Variants in BRIP1 observed in about 807,000 individuals in gnomAD.
BRIP1 encodes BRCA1 interacting DNA helicase 1.
BRIP1 carries 88 observed loss-of-function variants against 119.7 expected under a neutral mutation model. The observed-to-expected ratio is 0.74, with a 90% CI of 0.62 to 0.88. The LOEUF (loss-of-function observed/expected upper bound fraction) is 0.88, where lower values mean the gene tolerates loss of function less well. BRIP1 is among the 40% of genes least tolerant of loss of function. BRIP1 has a pLI of 0.00. For missense variants in BRIP1, 1,259 were observed against 1,455.4 expected, an observed-to-expected ratio of 0.87 and a Z score of 2.20; for synonymous variants, 443 against 496.5, an observed-to-expected ratio of 0.89 and a Z score of 1.43.
In BRIP1 at chr17:61,729,801, C is replaced by T. The variant is rs943922160; in HGVS notation, c.2379+13212G>A. On this transcript the variant is annotated intron_variant, in intron 16 of 19. Transcript: ENST00000259008. This position sits in a 1 kb window ranked among gnomAD's most constrained non-coding sequence, Gnocchi z 5.6. The stretch of plus-strand genomic sequence containing the variant: ...CTCAACCGAGAGCAATTTTGCCAAC[C>T]AGAAGATAATGGCAATGTCTAGAGA... 1.3e-5 allele frequency among the ~76,000 whole-genome samples: 2 copies of T among 151,918 alleles called. No individual in the cohort carries two copies. Among genetic ancestry groups the T allele is most frequent in the East Asian group, 1.9e-4 (1 of 5,188 alleles).
At chr17:61,712,403 G>A (rs972899603) in intron 17 of BRIP1, among the ~76,000 whole-genome samples, 4 of 151,686 alleles carry the variant, frequency 2.6e-5, no homozygotes, top group Admixed American at 6.6e-5. Context: ...TAGTAGAGAC[G>A]GGGTTTCACC....
Position 61,736,501 on chromosome 17 carries a change from A to G in BRIP1, c.2379+6512T>C, listed in dbSNP as rs2076920645. Among the ~76,000 whole-genome samples, 1 of 152,162 alleles carries G rather than the reference A, an allele frequency of 6.6e-6. No homozygotes were observed. The highest frequency in any genetic ancestry group is 1.5e-5 in the Non-Finnish European group (1 of 68,016). On this transcript the variant is annotated intron_variant, in intron 16 of 19. Coordinates refer to ENST00000259008, the MANE Select transcript of BRIP1 (RefSeq NM_032043.3). This position sits in a 1 kb window ranked among gnomAD's most constrained non-coding sequence, Gnocchi z 4.4. ...ATATCCTCTAATGATTTACTACTAT[A>G]ACTACCCTGTATTGCCTCCTTATGA...
At chr17:61,728,612 G>T (rs988780373) in intron 16 of BRIP1, among the ~76,000 whole-genome samples, 2 of 152,196 alleles carry the variant, frequency 1.3e-5, no homozygotes, top group Non-Finnish European at 2.9e-5. Context: ...GGAAACTGTT[G>T]GGAGGATGTG....
intron 6 of BRIP1, among the ~76,000 whole-genome samples, chr17:61,829,845 G>A (rs998470378): frequency 3.3e-5 from 5 of 151,664 alleles, no homozygotes; most frequent in Admixed American, 1.3e-4. Flanking sequence ...GAAGTGCTTA[G>A]AGGGAAATGT....
rs1326869272 is a variant in BRIP1, at chr17:61,806,447, T to G, written c.918+2020A>C. 6.6e-6 allele frequency among the ~76,000 whole-genome samples: 1 copy of G among 152,172 alleles called. No homozygotes were observed. Among genetic ancestry groups the G allele is most frequent in the Non-Finnish European group, 1.5e-5 (1 of 68,044 alleles). ...AGCAGATATCTTCAATTATTCATAT[T>G]ACTAATATTAAAAAATAAAATACCT... On this transcript the variant is annotated intron_variant, in intron 7 of 19. Coordinates refer to ENST00000259008, the MANE Select transcript of BRIP1 (RefSeq NM_032043.3). This position sits in a 1 kb window ranked among gnomAD's most constrained non-coding sequence, Gnocchi z 4.9.
chr17:61,723,778 G>GT (rs2062020897), intron 16 of BRIP1, among the ~76,000 whole-genome samples: 1 of 152,140 alleles, frequency 6.6e-6, no homozygotes, highest in South Asian at 2.1e-4. Flanking sequence ...TAGTGTATGT[G>GT]TAATTTTGGA....
rs1362222458 is a variant in BRIP1, at chr17:61,701,690, C to G, written c.2493-8178G>C. 6.6e-6 allele frequency among the ~76,000 whole-genome samples: 1 copy of G among 152,226 alleles called. No individual in the cohort carries two copies. The highest frequency in any genetic ancestry group is 1.5e-5 in the Non-Finnish European group (1 of 68,038). The stretch of plus-strand genomic sequence containing the variant: ...AGCTCTCTATGGACATTGCATTCCT[C>G]AGCTTTTCTCTTTACATTTTTTGGC... On this transcript the variant is annotated intron_variant, in intron 17 of 19. Transcript: ENST00000259008. This position sits in a 1 kb window ranked among gnomAD's most constrained non-coding sequence, Gnocchi z 5.1.
At position 61,717,417 on chromosome 17, in the gene BRIP1, C is replaced by T. The variant is rs550568950; in HGVS notation, c.2380-1354G>A. ...AACTTTCTTTAATATTAGTAGTGCACGTTTGCTAGCAATGAGTTCTTTCAA... is the reference window on the plus strand; with the variant it reads ...AACTTTCTTTAATATTAGTAGTGCATGTTTGCTAGCAATGAGTTCTTTCAA... On this transcript the variant is annotated intron_variant, in intron 16 of 19. Transcript: ENST00000259008. This position sits in a 1 kb window ranked among gnomAD's most constrained non-coding sequence, Gnocchi z 4.1. Among the ~76,000 whole-genome samples, 3 of 151,984 alleles carry T rather than the reference C, an allele frequency of 2.0e-5. No homozygotes were observed. Among genetic ancestry groups the T allele is most frequent in the Admixed American group, 1.3e-4 (2 of 15,264 alleles).
rs562573083 is a variant in BRIP1, at chr17:61,825,584, G to A, written c.628-16827C>T. 2.7e-5 allele frequency among the ~76,000 whole-genome samples: 4 copies of A among 150,918 alleles called. No individual in the cohort carries two copies. The South Asian group carries it at 8.3e-4, about 31-fold the overall frequency. On this transcript the variant is annotated intron_variant, in intron 6 of 19. Coordinates refer to ENST00000259008, the MANE Select transcript of BRIP1 (RefSeq NM_032043.3). The surrounding 1 kb of genome is among the most constrained non-coding windows in gnomAD (Gnocchi z 4.1). ...AATTCACCATCAACTGTCAAGCTGA[G>A]AGCCAAATCAGGAATGCAATCCCAT...
Position 61,848,412 on chromosome 17 carries a change from A to G in BRIP1, c.507+717T>C, listed in dbSNP as rs2078766346. 1.3e-5 allele frequency among the ~76,000 whole-genome samples: 2 copies of G among 151,730 alleles called. No individual in the cohort carries two copies. Among genetic ancestry groups the G allele is most frequent in the South Asian group, 4.2e-4 (2 of 4,808 alleles). ...TTTTTGTGGAGACAGGAGCCTTGCT[A>G]TGTCACCCAGGCTGGTCTCAAACTG... is the stretch of plus-strand genomic sequence containing the variant. On this transcript the variant is annotated intron_variant, in intron 5 of 19. Coordinates refer to ENST00000259008, the MANE Select transcript of BRIP1 (RefSeq NM_032043.3). This position sits in a 1 kb window ranked among gnomAD's most constrained non-coding sequence, Gnocchi z 4.3.
chr17:61,712,745 A>T (rs1177536624), intron 17 of BRIP1, among the ~76,000 whole-genome samples: 1 of 151,948 alleles, frequency 6.6e-6, no homozygotes, highest in Non-Finnish European at 1.5e-5. Context: ...CTCTACTAAG[A>T]ATACAAAAAT....
chr17:61,775,718 T>G lies in BRIP1; in HGVS notation c.2097+683A>C, dbSNP rs1426124383. On this transcript the variant is annotated intron_variant, in intron 14 of 19. Coordinates refer to ENST00000259008, the MANE Select transcript of BRIP1 (RefSeq NM_032043.3). The surrounding 1 kb of genome is among the most constrained non-coding windows in gnomAD (Gnocchi z 4.4). The stretch of plus-strand genomic sequence containing the variant: ...ATGAGGGCAACGAAGAAAGTTTGGC[T>G]TAGATTAACTTTAATGAAACCTTCA... 6.6e-6 allele frequency among the ~76,000 whole-genome samples: 1 copy of G among 152,186 alleles called. No individual in the cohort carries two copies. Among genetic ancestry groups the G allele is most frequent in the Non-Finnish European group, 1.5e-5 (1 of 68,030 alleles).
chr17:61,737,251 T>G (rs897883736), intron 16 of BRIP1, among the ~76,000 whole-genome samples: 2 of 152,180 alleles, frequency 1.3e-5, no homozygotes, highest in Non-Finnish European at 2.9e-5. Flanking sequence ...GTAAATGGTT[T>G]AAACTCTCCA....
At chr17:61,812,259 TTGAG>T (rs1411168527) in intron 6 of BRIP1, among the ~76,000 whole-genome samples, 12 of 152,184 alleles carry the variant, frequency 7.9e-5, no homozygotes, top group African/African-American at 1.2e-4. Context: ...GTATCTCTTA[TTGAG>T]TATTTTTCCT....
chr17:61,797,549 T>C (rs1006439064), intron 9 of BRIP1, among the ~76,000 whole-genome samples: 3 of 151,760 alleles, frequency 2.0e-5, no homozygotes, highest in African/African-American at 7.3e-5. Flanking sequence ...AGTGAGAAAA[T>C]AGAATTAGCA....
chr17:61,696,230 G>A (rs149361785), intron 17 of BRIP1, among the ~76,000 whole-genome samples: 80 of 149,718 alleles, frequency 5.3e-4, no homozygotes, highest in African/African-American at 1.6e-3. Context: ...TGAGAAGATC[G>A]TGTGGTTTTA....
At chr17:61,737,719 A>C (rs946107938) in intron 16 of BRIP1, among the ~76,000 whole-genome samples, 3 of 152,236 alleles carry the variant, frequency 2.0e-5, no homozygotes, top group Non-Finnish European at 2.9e-5. Flanking sequence ...AAATAATAAA[A>C]AGCCTTCTTA....
intron 13 of BRIP1, among the ~76,000 whole-genome samples, chr17:61,779,835 A>G (rs2077587056): frequency 6.6e-6 from 1 of 151,724 alleles, no homozygotes; most frequent in Non-Finnish European, 1.5e-5. Context: ...GCACACCTGT[A>G]ATCTCAGCAA....
chr17:61,819,013 C>A (rs1330233307), intron 6 of BRIP1, among the ~76,000 whole-genome samples: 3 of 151,888 alleles, frequency 2.0e-5, no homozygotes, highest in African/African-American at 7.3e-5. Context: ...TGGTGAAACC[C>A]AATCTCTACC....
Sources: allele counts gnomAD v4.1 joint callset (sites outside exome capture counted in the v4.1 genomes callset), GRCh38; gene constraint gnomAD v4.1.1; non-coding constraint Gnocchi (gnomAD v3.1); transcripts MANE v1.5; gene names NCBI Gene and HGNC (gene_info 2026-07-23, HGNC 2026-07-21).